SYN2: variants seen among roughly 807,000 people sequenced by gnomAD.
SYN2 encodes the protein synapsin II.
Under a neutral mutation model 50.9 loss-of-function variants are expected in SYN2, and 19 were observed. That is an observed-to-expected ratio of 0.37 (90% confidence interval 0.26 to 0.55). SYN2 has a LOEUF of 0.55. Ranked by LOEUF, SYN2 falls within the 20% of genes least tolerant of loss-of-function variation. The pLI is 0.81. For missense variants in SYN2, 587 were observed against 576.4 expected (o/e 1.02, Z -0.19); for synonymous variants, 255 against 224.9 (o/e 1.13, Z -1.20).
At chr3:12,120,286 G>GT (rs373230242) in intron 1 of SYN2, among the ~76,000 whole-genome samples, 2,288 of 148,702 alleles carry the variant, frequency 0.015, 27 homozygotes, top group Middle Eastern at 0.034. Flanking sequence ...TTTAACCACA[G>GT]TTTTTTTTTT....
rs965920845 is a variant in SYN2 at position 12,142,131 on chromosome 3, T to C, written c.527+135T>C. ...GTATGGTATACAGAATTTAATGATGTGAGTTGTGCAGAAATAGTAGAAAAG... is the reference window on the plus strand; with the variant it reads ...GTATGGTATACAGAATTTAATGATGCGAGTTGTGCAGAAATAGTAGAAAAG... On this transcript the variant is annotated intron_variant, in intron 3 of 12. Transcript: ENST00000621198. The C allele has an allele frequency of 6.6e-6, 4 of 603,652 alleles. No homozygotes were observed. The African/African-American group carries it at 7.3e-5, about 11-fold the overall frequency. 37.4% of individuals were successfully genotyped at this position (603,652 alleles called of 1,614,324 possible). A position where few individuals can be genotyped will look rare whatever the true frequency, so the allele number is the denominator to read the frequency against.
At chr3:12,118,740 T>C (rs1264077363) in intron 1 of SYN2, among the ~76,000 whole-genome samples, 4 of 152,170 alleles carry the variant, frequency 2.6e-5, no homozygotes, top group African/African-American at 9.6e-5. Flanking sequence ...TTTATTGGGC[T>C]TGGCAAAAGT....
intron 1 of SYN2, among the ~76,000 whole-genome samples, chr3:12,024,231 A>G (rs1694207265): frequency 7.6e-6 from 1 of 131,784 alleles, no homozygotes. Flanking sequence ...ATCTCAGCTC[A>G]CTGCAACATC....
At chr3:12,053,434 C>T (rs1292995880) in intron 1 of SYN2, among the ~76,000 whole-genome samples, 1 of 141,864 alleles carries the variant, frequency 7.0e-6, no homozygotes, top group African/African-American at 3.1e-5. Context: ...AAACAAAAAA[C>T]AAAACAAAAC....
At chr3:12,036,416 C>G (rs1574901226) in intron 1 of SYN2, among the ~76,000 whole-genome samples, 1 of 152,188 alleles carries the variant, frequency 6.6e-6, no homozygotes, top group Non-Finnish European at 1.5e-5. Flanking sequence ...AGAGTCAGCA[C>G]CCTGTGGATA....
At chr3:12,013,732 T>A (rs1305371907) in intron 1 of SYN2, among the ~76,000 whole-genome samples, 2 of 152,196 alleles carry the variant, frequency 1.3e-5, no homozygotes, top group Non-Finnish European at 1.5e-5. Context: ...AAATGCAAAT[T>A]TGACCTTTTT....
At chr3:12,090,971 T>G (rs941389933) in intron 1 of SYN2, among the ~76,000 whole-genome samples, 3 of 152,216 alleles carry the variant, frequency 2.0e-5, no homozygotes, top group African/African-American at 7.2e-5. Context: ...TGTTCCATAA[T>G]GTAGTTAGTT....
rs149896084 is a variant in SYN2, at chr3:12,170,494, G to A, written c.1308+588G>A. On this transcript the variant is annotated intron_variant, in intron 10 of 12. Coordinates refer to ENST00000621198, the MANE Select transcript of SYN2 (RefSeq NM_133625.6). ...ATGGCCAATCACACTCATGGCAACA[G>A]CATTCCAGCTGCGGGTCTAGTGGGA... Among the ~76,000 whole-genome samples the A allele has an allele frequency of 4.0e-3, 613 of 152,336 alleles. 4 individuals are homozygous for A. The highest frequency in any genetic ancestry group is 0.014 in the African/African-American group (574 of 41,568).
intron 10 of SYN2, among the ~76,000 whole-genome samples, chr3:12,180,141 G>A (rs535822076): frequency 1.3e-5 from 2 of 151,920 alleles, no homozygotes. Flanking sequence ...TAGAGACAGC[G>A]TTTCATCATG....
chr3:12,170,043 TCCTTC>T, intron 10 of SYN2, 137 bp downstream of exon 10: 5 of 1,140,996 alleles, frequency 4.4e-6, no homozygotes, highest in Non-Finnish European at 4.8e-6. Context: ...ATCTCCCTCT[TCCTTC>T]CCTTCCCTTT....
At chr3:12,108,246 G>A (rs1311781015) in intron 1 of SYN2, among the ~76,000 whole-genome samples, 1 of 152,076 alleles carries the variant, frequency 6.6e-6, no homozygotes, top group Non-Finnish European at 1.5e-5. Flanking sequence ...CAACTCTTAG[G>A]AGCATCAGAG....
At position 12,049,523 on chromosome 3, in the gene SYN2, A is replaced by AT. The variant is rs1213774822; in HGVS notation, c.377+44595_377+44596insT. Among the ~76,000 whole-genome samples the AT allele has an allele frequency of 7.0e-4, 56 of 79,858 alleles. 1 individual carries two copies. The South Asian group carries it at 0.02, about 28-fold the overall frequency. 52.4% of individuals were successfully genotyped at this position (79,858 alleles called of 152,430 possible). A position where few individuals can be genotyped will look rare whatever the true frequency, so the allele number is the denominator to read the frequency against. ...GACAGAGTGAGACTCCGTCTCAAAA[A>AT]AAAAAAAATAATAAAAAATAAAAAA... On this transcript the variant is annotated intron_variant, in intron 1 of 12. Transcript: ENST00000621198.
At chr3:12,171,700 T>C (rs900319952) in intron 10 of SYN2, among the ~76,000 whole-genome samples, 6 of 152,214 alleles carry the variant, frequency 3.9e-5, no homozygotes, top group African/African-American at 1.2e-4. Flanking sequence ...CAGGTGACCT[T>C]GGGTAGGTTT....
At chr3:12,154,385 AG>A (rs1697393025) in intron 5 of SYN2, 1 of 1,614,116 alleles carries the variant, frequency 6.2e-7, no homozygotes, top group Non-Finnish European at 8.5e-7. Flanking sequence ...CACCAAGGAC[AG>A]GTCCTCCCAG....
chr3:12,029,764 A>G (rs1694340410), intron 1 of SYN2, among the ~76,000 whole-genome samples: 1 of 50,262 alleles, frequency 2.0e-5, no homozygotes, highest in Non-Finnish European at 3.3e-5. Context: ...TTATCAGCTT[A>G]AGGAGATTTT....
chr3:12,028,490 C>A (rs1172249553), intron 1 of SYN2, among the ~76,000 whole-genome samples: 1 of 149,478 alleles, frequency 6.7e-6, no homozygotes, highest in Non-Finnish European at 1.5e-5. Flanking sequence ...ACAGTCCCAC[C>A]AACAGTGTAA....
chr3:12,068,444 G>A (rs936310753), intron 1 of SYN2, among the ~76,000 whole-genome samples: 5 of 152,058 alleles, frequency 3.3e-5, no homozygotes, highest in East Asian at 1.9e-4. Flanking sequence ...TTGCTTTTCC[G>A]AAATTTATGA....
At chr3:12,157,003 A>G in intron 5 of SYN2, 2 of 1,129,168 alleles carry the variant, frequency 1.8e-6, no homozygotes, top group Non-Finnish European at 2.6e-6. Context: ...ACAGACAAAA[A>G]CCTCTCACTT....
chr3:12,022,630 G>A (rs1255103049), intron 1 of SYN2, among the ~76,000 whole-genome samples: 3 of 151,898 alleles, frequency 2.0e-5, no homozygotes, highest in East Asian at 1.9e-4. Context: ...AGATGGTCTC[G>A]ATCTCTTGAC....
Sources: gnomAD v4.1 joint callset for allele counts (sites outside exome capture counted in the v4.1 genomes callset) on GRCh38, gnomAD v4.1.1 for gene constraint, MANE v1.5 for transcripts, NCBI Gene and HGNC (gene_info 2026-07-23, HGNC 2026-07-21) for gene names.